FAM76A: variants seen among roughly 807,000 people sequenced by gnomAD.
FAM76A encodes protein FAM76A.
In FAM76A, 32 loss-of-function variants were observed where a neutral mutation model predicts 46.2. The ratio of observed to expected loss-of-function variants is 0.69; its 90% CI spans 0.52 to 0.93. FAM76A has a LOEUF of 0.93. Among genes scored for constraint, FAM76A ranks in the 40% least tolerant of loss-of-function variants. The pLI is 0.00. For synonymous variants in FAM76A, 137 were observed against 127.0 expected, an observed-to-expected ratio of 1.08 and a Z score of -0.53; for missense variants, 274 against 361.5, an observed-to-expected ratio of 0.76 and a Z score of 1.96.
rs553098210 is a variant in FAM76A at position 27,756,812 on chromosome 1, C to T, written c.735+1482C>T. 2.6e-5 allele frequency among the ~76,000 whole-genome samples: 4 copies of T among 152,098 alleles called. No individual in the cohort carries two copies. In the East Asian group the frequency reaches 7.8e-4, roughly 29 times the overall value. ...CACTGGCTCACACCTGTAATCCCAA[C>T]ACTTTGGGAGGCTGAAGCAGGCAGA... On this transcript the variant is annotated intron_variant, in intron 7 of 8. Coordinates refer to ENST00000373954, the MANE Select transcript of FAM76A (RefSeq NM_152660.3).
chr1:27,740,720 C>A, intron 4 of FAM76A: 1 of 437,466 alleles, frequency 2.3e-6, no homozygotes, highest in Non-Finnish European at 4.1e-6. Context: ...GCAGCTGAGG[C>A]AATACTGCTT....
intron 4 of FAM76A, chr1:27,739,287 A>G (rs1395710203): frequency 7.6e-6 from 4 of 524,972 alleles, no homozygotes; most frequent in African/African-American, 1.9e-5. Context: ...AGTAGAAGAA[A>G]AGCCTTATTG....
At chr1:27,746,790 C>T (rs762632670) in intron 5 of FAM76A, among the ~76,000 whole-genome samples, 2 of 152,022 alleles carry the variant, frequency 1.3e-5, no homozygotes, top group African/African-American at 2.4e-5. Flanking sequence ...ATGCAGATTC[C>T]GGCCAGATAC....
At chr1:27,726,454 C>T (rs2087862190) in intron 1 of FAM76A, among the ~76,000 whole-genome samples, 1 of 152,136 alleles carries the variant, frequency 6.6e-6, no homozygotes, top group South Asian at 2.1e-4. Flanking sequence ...GACTGGTCGC[C>T]TTCGGGATCC....
Position 27,745,154 on chromosome 1 carries a change from A to C in FAM76A, c.512+343A>C, listed in dbSNP as rs569594592. ...CAGCTTTTTCAATGCATATTTAGCC[A>C]GGAGGCTGATAGATGTCCTAGGTTT... On this transcript the variant is annotated intron_variant, in intron 5 of 8. Coordinates refer to ENST00000373954, the MANE Select transcript of FAM76A (RefSeq NM_152660.3). 2.0e-5 allele frequency among the ~76,000 whole-genome samples: 3 copies of C among 152,250 alleles called. No individual in the cohort carries two copies. The East Asian group carries it at 5.8e-4, about 29-fold the overall frequency.
rs547534512 is a variant in FAM76A, at chr1:27,736,948, G to T, written c.354+2765G>T. On this transcript the variant is annotated intron_variant, in intron 4 of 8. Transcript: ENST00000373954. ...GGCCAGTGCTCTTTTATTTCTTTTT[G>T]TTGTTGTTGTTGTTTGAGACGGAGT... Among the ~76,000 whole-genome samples, 4 of 150,800 alleles carry T rather than the reference G, an allele frequency of 2.7e-5. No individual in the cohort carries two copies. The East Asian group carries it at 7.9e-4, about 30-fold the overall frequency.
chr1:27,738,756 T>C (rs1022803233), intron 4 of FAM76A, among the ~76,000 whole-genome samples: 11 of 152,118 alleles, frequency 7.2e-5, no homozygotes, highest in Non-Finnish European at 1.6e-4. Context: ...TTTTAGATAT[T>C]AGTGCTATAA....
intron 4 of FAM76A, chr1:27,739,026 G>T (rs557830800): frequency 5.4e-6 from 1 of 185,900 alleles, no homozygotes; most frequent in Admixed American, 6.1e-5. Context: ...GGTTATAGAG[G>T]CAGGTAAGGG....
chr1:27,749,219 T>C, intron 6 of FAM76A, 65 bp downstream of exon 6: 1 of 1,118,864 alleles, frequency 8.9e-7, no homozygotes, highest in Non-Finnish European at 1.3e-6. Context: ...GAAACAGGAA[T>C]ACATTTAGGG....
Position 27,761,809 on chromosome 1 carries a change from CAAAAATTAGCCGGG to C in FAM76A, c.*1229_*1242del, listed in dbSNP as rs995640691. The C allele has an allele frequency of 1.3e-5, 2 of 151,890 alleles. No homozygotes were observed. Among genetic ancestry groups the C allele is most frequent in the African/African-American group, 2.4e-5 (1 of 41,360 alleles). 9.4% of individuals were successfully genotyped at this position (151,890 alleles called of 1,614,324 possible). A position where few individuals can be genotyped will look rare whatever the true frequency, so the allele number is the denominator to read the frequency against. On this transcript the variant is annotated 3_prime_UTR_variant, in exon 9 of 9. Transcript: ENST00000373954. ...AAACCCCATCTGTACTAAAAAAATA[CAAAAATTAGCCGGG>C]CCTGGTGGCATGCACCTGTAATCCC...
rs74063886 is a variant in FAM76A at position 27,739,028 on chromosome 1, A to C, written c.354+4845A>C. ...AGGAAGGAAACAAGGTTATAGAGGC[A>C]GGTAAGGGGCTATATTTAAGTCAAC... On this transcript the variant is annotated intron_variant, in intron 4 of 8. Transcript: ENST00000373954. 1,211 of 186,818 alleles carry C rather than the reference A, an allele frequency of 6.5e-3. 11 individuals are homozygous for C. The highest frequency in any genetic ancestry group is 0.028 in the African/African-American group (1,172 of 42,040). The allele number at this position is 186,818 out of a possible 1,614,324, so 11.6% of individuals were successfully genotyped here. A position where few individuals can be genotyped will look rare whatever the true frequency, so the allele number is the denominator to read the frequency against.
intron 4 of FAM76A, among the ~76,000 whole-genome samples, chr1:27,737,406 C>CAGGG (rs994972683): frequency 2.6e-5 from 4 of 152,100 alleles, no homozygotes; most frequent in African/African-American, 9.7e-5. Flanking sequence ...GAAGGTCTTA[C>CAGGG]AGGGTGTTTT....
chr1:27,748,413 C>T (rs368567726), intron 5 of FAM76A, among the ~76,000 whole-genome samples: 14 of 150,326 alleles, frequency 9.3e-5, no homozygotes, highest in East Asian at 2.0e-4. Flanking sequence ...CGTGAGCCAC[C>T]GCGCCCAGCC....
chr1:27,747,444 T>A (rs964125873), intron 5 of FAM76A, among the ~76,000 whole-genome samples: 1 of 152,218 alleles, frequency 6.6e-6, no homozygotes, highest in Non-Finnish European at 1.5e-5. Flanking sequence ...AGAAAAGGTC[T>A]GAGGAATCCT....
intron 3 of FAM76A, among the ~76,000 whole-genome samples, chr1:27,733,792 T>C (rs1368532615): frequency 6.6e-6 from 1 of 151,926 alleles, no homozygotes; most frequent in African/African-American, 2.4e-5. Flanking sequence ...GGAGGTTGCA[T>C]TGAGCTGAGA....
At chr1:27,755,642 A>G (rs2088398291) in intron 7 of FAM76A, among the ~76,000 whole-genome samples, 1 of 152,170 alleles carries the variant, frequency 6.6e-6, no homozygotes, top group Non-Finnish European at 1.5e-5. Context: ...TGGCACAATC[A>G]TGGCTACTGC....
rs779356714 is a variant in FAM76A at position 27,760,629 on chromosome 1, G to A, written c.*48G>A. The A allele has an allele frequency of 2.8e-6, 4 of 1,432,886 alleles. No individual in the cohort carries two copies. The highest frequency in any genetic ancestry group is 3.9e-6 in the Non-Finnish European group (4 of 1,037,802). 88.8% of individuals were successfully genotyped at this position (1,432,886 alleles called of 1,614,324 possible). On this transcript the variant is annotated 3_prime_UTR_variant, in exon 9 of 9. Transcript: ENST00000373954. Reference sequence around the variant, plus strand: ...GCAACAGCAAATGGAGTTGTCCAGGGTTAGGGTTGGAGACCTGGCTGTTCT... The same window carrying A: ...GCAACAGCAAATGGAGTTGTCCAGGATTAGGGTTGGAGACCTGGCTGTTCT...
chr1:27,758,206 C>T (rs576714978), intron 7 of FAM76A, among the ~76,000 whole-genome samples: 62 of 152,230 alleles, frequency 4.1e-4, no homozygotes, highest in African/African-American at 1.4e-3. Flanking sequence ...GAAACAGACC[C>T]GAAGAGGTTA....
At chr1:27,737,886 A>AAAAAAAAAAAAAAAAAAAAAAAAT (rs2088080910) in intron 4 of FAM76A, among the ~76,000 whole-genome samples, 1 of 149,840 alleles carries the variant, frequency 6.7e-6, no homozygotes, top group Non-Finnish European at 1.5e-5. Context: ...AAAAAAAAAA[A>AAAAAAAAAAAAAAAAAAAAAAAAT]AAAAAACAGA....
Sources: allele counts gnomAD v4.1 joint callset (sites outside exome capture counted in the v4.1 genomes callset), GRCh38; gene constraint gnomAD v4.1.1; transcripts MANE v1.5; gene names NCBI Gene and HGNC (gene_info 2026-07-23, HGNC 2026-07-21).